The following PPP3CC variants were observed in gnomAD, a reference collection of about 807,000 sequenced individuals.
The protein encoded by PPP3CC is protein phosphatase 3 catalytic subunit gamma, also known as serine/threonine-protein phosphatase 2B catalytic subunit gamma isoform.
PPP3CC carries 35 observed loss-of-function variants against 60.3 expected under a neutral mutation model. The ratio of observed to expected loss-of-function variants is 0.58; its 90% CI spans 0.44 to 0.77. PPP3CC has a LOEUF of 0.77. Among genes scored for constraint, PPP3CC ranks in the 30% least tolerant of loss-of-function variants. The pLI, the probability that PPP3CC is intolerant of heterozygous loss-of-function variation, is 0.00. For missense variants in PPP3CC, 570 were observed against 628.9 expected, an observed-to-expected ratio of 0.91 and a Z score of 1.00; for synonymous variants, 206 against 224.3, an observed-to-expected ratio of 0.92 and a Z score of 0.73.
chr8:22,468,620 G>A (rs1482813960), intron 1 of PPP3CC, among the ~76,000 whole-genome samples: 2 of 151,842 alleles, frequency 1.3e-5, no homozygotes, highest in African/African-American at 4.8e-5. Context: ...GAAACATTGG[G>A]AATATATCTT....
intron 3 of PPP3CC, among the ~76,000 whole-genome samples, chr8:22,479,266 G>C (rs911676294): frequency 2.0e-5 from 3 of 152,048 alleles, no homozygotes; most frequent in African/African-American, 4.8e-5. Context: ...GGGAAATGCA[G>C]AATCTAGAAA....
At chr8:22,533,950 G>A (rs1191225860) in intron 12 of PPP3CC, among the ~76,000 whole-genome samples, 1 of 152,144 alleles carries the variant, frequency 6.6e-6, no homozygotes, top group Non-Finnish European at 1.5e-5. Flanking sequence ...TGTAATCCCA[G>A]CACTTTGGGA....
intron 6 of PPP3CC, among the ~76,000 whole-genome samples, chr8:22,520,877 A>G (rs1839387676): frequency 6.6e-6 from 1 of 152,170 alleles, no homozygotes; most frequent in Non-Finnish European, 1.5e-5. Context: ...TTTATAATTC[A>G]TATAGCCTTG....
intron 6 of PPP3CC, among the ~76,000 whole-genome samples, chr8:22,514,765 C>A (rs943129477): frequency 6.6e-6 from 1 of 150,528 alleles, no homozygotes; most frequent in African/African-American, 2.4e-5. Flanking sequence ...ACCGCATCCT[C>A]CACTTCCCAG....
Position 22,527,423 on chromosome 8 carries a change from GA to G in PPP3CC, c.977del (p.Asn326IlefsTer37), listed in dbSNP as rs1839587247. 6.2e-7 allele frequency: 1 copy of G among 1,613,664 alleles called. No individual in the cohort carries two copies. The highest frequency in any genetic ancestry group is 1.1e-5 in the South Asian group (1 of 91,054). ...AVLKYENNVM[N>X]IRQFNCSPHP... ...TGTTGAAATATGAAAACAATGTCAT[GA>G]ATATCAGGCAGTTTAACTGTTCTCC... is the stretch of plus-strand genomic sequence containing the variant. On this transcript the variant is annotated frameshift_variant, in exon 9 of 14. Coordinates refer to ENST00000240139, the MANE Select transcript of PPP3CC (RefSeq NM_005605.5). LOFTEE classifies it high-confidence loss of function.
At chr8:22,532,151 A>C in intron 10 of PPP3CC, 74 bp from the exon 11 acceptor site, 1 of 1,079,226 alleles carries the variant, frequency 9.3e-7, no homozygotes, top group Non-Finnish European at 1.4e-6. Context: ...AACTTAAGAC[A>C]CTTCATCCTG....
intron 1 of PPP3CC, among the ~76,000 whole-genome samples, chr8:22,458,010 G>A (rs536688757): frequency 6.6e-6 from 1 of 152,146 alleles, no homozygotes; most frequent in Non-Finnish European, 1.5e-5. Flanking sequence ...AGAACCGCTT[G>A]AACCTGGGAG....
chr8:22,538,481 G>A (rs1839892353), intron 12 of PPP3CC, among the ~76,000 whole-genome samples: 1 of 152,190 alleles, frequency 6.6e-6, no homozygotes, highest in Non-Finnish European at 1.5e-5. Flanking sequence ...GGTAGTTAAT[G>A]TAGTTCTTTC....
intron 1 of PPP3CC, among the ~76,000 whole-genome samples, chr8:22,449,137 G>A (rs910853386): frequency 2.9e-4 from 44 of 151,952 alleles, no homozygotes; most frequent in African/African-American, 1.1e-3. Context: ...AAAAGTTAGG[G>A]AGAAAAAAAG....
At chr8:22,539,377 C>G in intron 12 of PPP3CC, 92 bp from the exon 13 acceptor site, 1 of 1,398,232 alleles carries the variant, frequency 7.2e-7, no homozygotes, top group Non-Finnish European at 9.9e-7. Flanking sequence ...AAAACGGGCC[C>G]CTGGGATGGC....
At chr8:22,454,568 G>C (rs1260702058) in intron 1 of PPP3CC, among the ~76,000 whole-genome samples, 1 of 152,216 alleles carries the variant, frequency 6.6e-6, no homozygotes, top group African/African-American at 2.4e-5. Context: ...TGGCAGTGCA[G>C]TAGGTTTGTT....
At chr8:22,525,837 A>G (rs554425719) in intron 8 of PPP3CC, among the ~76,000 whole-genome samples, 3 of 141,690 alleles carry the variant, frequency 2.1e-5, no homozygotes, top group African/African-American at 7.9e-5. Context: ...TGGTATTACA[A>G]GTGTGTGCCA....
chr8:22,515,706 T>C (rs1586853870), intron 6 of PPP3CC, among the ~76,000 whole-genome samples: 1 of 152,326 alleles, frequency 6.6e-6, no homozygotes, highest in East Asian at 1.9e-4. Context: ...GATTTGCATT[T>C]CTCTGATGAT....
intron 6 of PPP3CC, among the ~76,000 whole-genome samples, chr8:22,518,398 G>C (rs555816619): frequency 1.3e-5 from 2 of 152,170 alleles, no homozygotes; most frequent in African/African-American, 4.8e-5. Flanking sequence ...GAATTTTCCT[G>C]TTTTCTTAAG....
At chr8:22,483,305 G>A (rs984862692) in intron 3 of PPP3CC, among the ~76,000 whole-genome samples, 5 of 151,800 alleles carry the variant, frequency 3.3e-5, no homozygotes, top group Admixed American at 3.3e-4. Context: ...TATTTATTTT[G>A]ACACGGAGTC....
intron 3 of PPP3CC, among the ~76,000 whole-genome samples, chr8:22,489,361 A>G (rs1211962413): frequency 1.3e-5 from 2 of 151,578 alleles, no homozygotes; most frequent in African/African-American, 4.8e-5. Flanking sequence ...TTTTGTGCTT[A>G]TCTGTGATCT....
rs74804097 is a variant in PPP3CC at position 22,511,335 on chromosome 8, G to C, written c.630+104G>C. On this transcript the variant is annotated intron_variant, in intron 5 of 13. Transcript: ENST00000240139. ...GACAGAGTCTCTCTCTTTCACCCGG[G>C]CTGAAGTACAGTGGTGCTATCTCAG... 3.1e-6 allele frequency: 4 copies of C among 1,278,212 alleles called. No individual in the cohort carries two copies. The African/African-American group carries it at 6.0e-5, about 19-fold the overall frequency. The allele number at this position is 1,278,212 out of a possible 1,614,324, so 79.2% of individuals were successfully genotyped here.
At chr8:22,445,484 A>G (rs1012453641) in intron 1 of PPP3CC, among the ~76,000 whole-genome samples, 8 of 152,194 alleles carry the variant, frequency 5.3e-5, no homozygotes, top group African/African-American at 1.7e-4. Context: ...ACTGCTTTTA[A>G]TACCTTTGTG....
chr8:22,441,413 T>G lies in PPP3CC; in HGVS notation c.4T>G (p.Ser2Ala). M[S>A]GRRFHLSTTD... ...CCTGGAGGAGGCCGAGGGGACCATG[T>G]CCGGGAGGCGCTTCCACCTCTCCAC... Residue 2 changes from serine to alanine, a missense_variant, in exon 1 of 14, where the codon TCC becomes GCC. Transcript: ENST00000240139. The G allele has an allele frequency of 6.5e-7, 1 of 1,543,476 alleles. No individual in the cohort carries two copies. Among genetic ancestry groups the G allele is most frequent in the Non-Finnish European group, 8.7e-7 (1 of 1,144,986 alleles).
Sources: gnomAD v4.1 joint callset for allele counts (sites outside exome capture counted in the v4.1 genomes callset) on GRCh38, gnomAD v4.1.1 for gene constraint, MANE v1.5 for transcripts, NCBI Gene and HGNC (gene_info 2026-07-23, HGNC 2026-07-21) for gene names.